The following LRP1B variants were observed in gnomAD, a reference collection of about 807,000 sequenced individuals.
LRP1B encodes the protein low-density lipoprotein receptor-related protein 1B.
Under a neutral mutation model 556.6 loss-of-function variants are expected in LRP1B, and 217 were observed. The ratio of observed to expected loss-of-function variants is 0.39; its 90% CI spans 0.35 to 0.44. The LOEUF is 0.44. Ranked by LOEUF, LRP1B falls within the 20% of genes least tolerant of loss-of-function variation. The pLI, the probability that LRP1B is intolerant of heterozygous loss-of-function variation, is 1.00. For synonymous variants in LRP1B, 2,047 were observed against 1,865.8 expected, an observed-to-expected ratio of 1.10 and a Z score of -2.50; for missense variants, 5,053 against 5,620.8, an observed-to-expected ratio of 0.90 and a Z score of 3.23.
intron 1 of LRP1B, among the ~76,000 whole-genome samples, chr2:142,008,512 T>A (rs1325141382): frequency 6.6e-6 from 1 of 151,580 alleles, no homozygotes; most frequent in Non-Finnish European, 1.5e-5. Flanking sequence ...TATTAAGACA[T>A]GGTGACTTTT....
At chr2:141,508,279 T>A (rs1207233520) in intron 2 of LRP1B, among the ~76,000 whole-genome samples, 4 of 152,136 alleles carry the variant, frequency 2.6e-5, no homozygotes, top group African/African-American at 9.7e-5. Context: ...AAAGTGACTT[T>A]TACAGAAGGT....
chr2:141,955,768 C>G (rs1701230667), intron 1 of LRP1B, among the ~76,000 whole-genome samples: 1 of 152,132 alleles, frequency 6.6e-6, no homozygotes, highest in East Asian at 1.9e-4. Flanking sequence ...ATAATTTCTT[C>G]TGGTTTCAGT....
At chr2:141,261,769 C>T (rs1684697934) in intron 3 of LRP1B, among the ~76,000 whole-genome samples, 1 of 152,092 alleles carries the variant, frequency 6.6e-6, no homozygotes, top group South Asian at 2.1e-4. Flanking sequence ...AAACATACCT[C>T]ACTTTGTTCA....
intron 1 of LRP1B, among the ~76,000 whole-genome samples, chr2:142,074,748 G>T (rs1340177581): frequency 6.6e-6 from 1 of 151,962 alleles, no homozygotes; most frequent in Non-Finnish European, 1.5e-5. Flanking sequence ...TATTCAGTAA[G>T]TTACCAAACA....
rs536307470 is a variant in LRP1B at position 141,868,506 on chromosome 2, G to C, written c.83-58105C>G. On this transcript the variant is annotated intron_variant, in intron 1 of 90. Coordinates refer to ENST00000389484, the MANE Select transcript of LRP1B (RefSeq NM_018557.3). ...CACCCTGTCATTTTTGCCCATTGCG[G>C]TAACAGACAACAGAAACTTAATGAT... 4.6e-5 allele frequency among the ~76,000 whole-genome samples: 7 copies of C among 152,230 alleles called. No homozygotes were observed. In the East Asian group the frequency reaches 5.8e-4, roughly 13 times the overall value.
intron 19 of LRP1B, among the ~76,000 whole-genome samples, chr2:140,951,058 G>A (rs1242972820): frequency 6.6e-6 from 1 of 152,088 alleles, no homozygotes; most frequent in Non-Finnish European, 1.5e-5. Context: ...AGGAGGCAAT[G>A]GTGACTGTAG....
At chr2:141,641,011 A>C (rs1689311289) in intron 2 of LRP1B, among the ~76,000 whole-genome samples, 1 of 152,176 alleles carries the variant, frequency 6.6e-6, no homozygotes, top group Non-Finnish European at 1.5e-5. Flanking sequence ...TGTTAAAATG[A>C]AAGCTGAAGT....
chr2:141,773,591 G>T (rs1694967578), intron 2 of LRP1B, among the ~76,000 whole-genome samples: 1 of 152,228 alleles, frequency 6.6e-6, no homozygotes, highest in Admixed American at 6.5e-5. Flanking sequence ...CTCAAGACAT[G>T]GCACCTCTTT....
intron 89 of LRP1B, 175 bp from the exon 90 acceptor site, chr2:140,235,059 A>G: frequency 2.5e-6 from 1 of 404,316 alleles, no homozygotes; most frequent in East Asian, 3.6e-5. Context: ...ATCCAATATT[A>G]ATATTATTAA....
chr2:141,795,857 AATATATATATATATATATAT>A lies in LRP1B; in HGVS notation c.205+14402_205+14421del, dbSNP rs1198211801. Among the ~76,000 whole-genome samples the A allele has an allele frequency of 1.1e-3, 56 of 51,608 alleles. No homozygotes were observed. In the South Asian group the frequency reaches 0.031, roughly 29 times the overall value. The allele number at this position is 51,608 out of a possible 152,430, so 33.9% of individuals were successfully genotyped here. A position where few individuals can be genotyped will look rare whatever the true frequency, so the allele number is the denominator to read the frequency against. ...GAAATAGAGAATGAAAACCAGGAGC[AATATATATATATATATATAT>A]ATATATATATATATATATATATAAT... On this transcript the variant is annotated intron_variant, in intron 2 of 90. Transcript: ENST00000389484.
intron 2 of LRP1B, among the ~76,000 whole-genome samples, chr2:141,753,759 A>C (rs2105575061): frequency 6.6e-6 from 1 of 152,268 alleles, no homozygotes; most frequent in Admixed American, 6.5e-5. Context: ...TACTGGCTAA[A>C]GTTGCCCCTC....
chr2:142,077,006 C>T (rs1482962589), intron 1 of LRP1B, among the ~76,000 whole-genome samples: 1 of 152,004 alleles, frequency 6.6e-6, no homozygotes, highest in Non-Finnish European at 1.5e-5. Context: ...TAACCGTCTA[C>T]CCTACACTAA....
At chr2:141,475,992 C>A (rs1682690351) in intron 3 of LRP1B, among the ~76,000 whole-genome samples, 1 of 152,204 alleles carries the variant, frequency 6.6e-6, no homozygotes, top group African/African-American at 2.4e-5. Flanking sequence ...AACACTTAAG[C>A]CATCTGCAGA....
chr2:140,896,861 C>T (rs895538005), intron 23 of LRP1B, among the ~76,000 whole-genome samples: 2 of 151,826 alleles, frequency 1.3e-5, no homozygotes, highest in Non-Finnish European at 2.9e-5. Flanking sequence ...AGAAAGAAAA[C>T]ATTTTAAAAG....
chr2:140,843,634 TA>T (rs1410648759), intron 29 of LRP1B, among the ~76,000 whole-genome samples: 2 of 152,186 alleles, frequency 1.3e-5, no homozygotes, highest in Admixed American at 6.6e-5. Flanking sequence ...TTTCATAACC[TA>T]CCCCCATCTC....
chr2:140,367,695 AAGTG>A (rs757177411), intron 71 of LRP1B, among the ~76,000 whole-genome samples: 149 of 151,938 alleles, frequency 9.8e-4, no homozygotes, highest in Middle Eastern at 3.4e-3. Flanking sequence ...TATCAGTATG[AAGTG>A]AGTATATTGC....
chr2:140,426,711 C>T (rs1015973613), intron 66 of LRP1B, among the ~76,000 whole-genome samples: 9 of 152,166 alleles, frequency 5.9e-5, no homozygotes, highest in African/African-American at 1.7e-4. Flanking sequence ...TGACTCTTTT[C>T]GGACTCAGCC....
At chr2:142,096,126 C>T (rs962094306) in intron 1 of LRP1B, among the ~76,000 whole-genome samples, 1 of 151,676 alleles carries the variant, frequency 6.6e-6, no homozygotes, top group African/African-American at 2.4e-5. Flanking sequence ...CAGAAGTTCA[C>T]AGAGTTCTAC....
chr2:141,071,426 T>C (rs1699639114), intron 7 of LRP1B, among the ~76,000 whole-genome samples: 1 of 151,926 alleles, frequency 6.6e-6, no homozygotes, highest in African/African-American at 2.4e-5. Flanking sequence ...ACTGGAAGCA[T>C]TCCCTTTGAA....
Sources: gnomAD v4.1 joint callset for allele counts (sites outside exome capture counted in the v4.1 genomes callset) on GRCh38, gnomAD v4.1.1 for gene constraint, MANE v1.5 for transcripts, NCBI Gene and HGNC (gene_info 2026-07-23, HGNC 2026-07-21) for gene names.